DGKD: variants seen among roughly 807,000 people sequenced by gnomAD.
The protein encoded by DGKD is DAG kinase delta.
In DGKD, 68 loss-of-function variants were observed where a neutral mutation model predicts 154.4. That is an observed-to-expected ratio of 0.44 (90% CI 0.36 to 0.54). The LOEUF is 0.54. DGKD is among the 20% of genes least tolerant of loss of function. The pLI is 0.00. For missense variants in DGKD, 1,343 were observed against 1,593.6 expected (o/e 0.84, Z 2.68); for synonymous variants, 693 against 638.0 (o/e 1.09, Z -1.30).
intron 3 of DGKD, among the ~76,000 whole-genome samples, chr2:233,403,406 A>G (rs1378904124): frequency 2.0e-5 from 3 of 151,730 alleles, no homozygotes; most frequent in Non-Finnish European, 4.4e-5. Context: ...CTAAAAATAC[A>G]AAAATTAGCT....
At chr2:233,461,225 T>C (rs999287488) in intron 24 of DGKD, among the ~76,000 whole-genome samples, 1 of 152,182 alleles carries the variant, frequency 6.6e-6, no homozygotes, top group Non-Finnish European at 1.5e-5. Context: ...GCCTGCATTC[T>C]CCCCCCGTGG....
At position 233,458,400 on chromosome 2, in the gene DGKD, A is replaced by G. The variant is rs2063525012; in HGVS notation, c.2694+3A>G. ...TACAGCATCATCGGATCGCCCAGGT[A>G]GTGGCCATGGTCCTGGGGTGTCTGG... On this transcript the variant is annotated splice_donor_region_variant and intron_variant, in intron 22 of 29. Transcript: ENST00000264057. This position sits in a 1 kb window ranked among gnomAD's most constrained non-coding sequence, Gnocchi z 6.6. The G allele has an allele frequency of 6.2e-7, 1 of 1,604,450 alleles. No homozygotes were observed. Among genetic ancestry groups the G allele is most frequent in the South Asian group, 1.1e-5 (1 of 90,860 alleles).
chr2:233,372,642 C>G (rs995981837), intron 1 of DGKD, among the ~76,000 whole-genome samples: 7 of 151,242 alleles, frequency 4.6e-5, no homozygotes, highest in Middle Eastern at 6.8e-3. Context: ...GGAGATCTGG[C>G]CAATGTGTAT....
intron 16 of DGKD, 96 bp from the exon 17 acceptor site, chr2:233,450,826 C>T: frequency 6.7e-7 from 1 of 1,500,932 alleles, no homozygotes. Context: ...GCCCTCCCTC[C>T]TCAGCCCTCC....
chr2:233,409,196 T>G (rs1289641376), intron 3 of DGKD: 2 of 152,260 alleles, frequency 1.3e-5, no homozygotes, highest in East Asian at 3.8e-4. Flanking sequence ...TGATTGTATG[T>G]GTTTGAAAAA....
At chr2:233,367,374 G>A (rs1254329603) in intron 1 of DGKD, among the ~76,000 whole-genome samples, 2 of 151,836 alleles carry the variant, frequency 1.3e-5, no homozygotes, top group African/African-American at 2.4e-5. Context: ...GACTACAGGC[G>A]CCCGCCACCA....
rs1020178428 is a variant in DGKD at position 233,458,581 on chromosome 2, G to C, written c.2694+184G>C. 5.9e-5 allele frequency among the ~76,000 whole-genome samples: 9 copies of C among 151,926 alleles called. No individual in the cohort carries two copies. The highest frequency in any genetic ancestry group is 4.4e-5 in the Non-Finnish European group (3 of 67,974). On this transcript the variant is annotated intron_variant, in intron 22 of 29. Coordinates refer to ENST00000264057, the MANE Select transcript of DGKD (RefSeq NM_152879.3). The surrounding 1 kb of genome is among the most constrained non-coding windows in gnomAD (Gnocchi z 6.6). ...AGAGCCCTTTCCTTGTGCTATGCTT[G>C]ACAGTTAAATTCTCAAGATAACTCT...
intron 3 of DGKD, among the ~76,000 whole-genome samples, chr2:233,422,481 A>G (rs1416785109): frequency 1.3e-5 from 2 of 152,048 alleles, no homozygotes; most frequent in East Asian, 1.9e-4. Context: ...TGGCATTTCT[A>G]CCCACCCCTC....
chr2:233,443,970 C>G (rs1481650251), intron 10 of DGKD, among the ~76,000 whole-genome samples: 1 of 152,140 alleles, frequency 6.6e-6, no homozygotes, highest in Non-Finnish European at 1.5e-5. Flanking sequence ...ATGGTGGCCT[C>G]TCCCTCCTTA....
chr2:233,389,732 A>G (rs1703459730), intron 2 of DGKD, among the ~76,000 whole-genome samples: 1 of 152,184 alleles, frequency 6.6e-6, no homozygotes, highest in South Asian at 2.1e-4. Context: ...AGGGGATGGT[A>G]TAAGGGAAAC....
intron 3 of DGKD, among the ~76,000 whole-genome samples, chr2:233,402,659 T>C (rs955181636): frequency 4.6e-5 from 7 of 152,352 alleles, no homozygotes; most frequent in Admixed American, 3.3e-4. Context: ...GGCCGGCAGC[T>C]TGGGGACAAG....
At chr2:233,401,042 T>C (rs1391640852) in intron 3 of DGKD, among the ~76,000 whole-genome samples, 1 of 152,060 alleles carries the variant, frequency 6.6e-6, no homozygotes, top group African/African-American at 2.4e-5. Context: ...TTCTCTTCTT[T>C]TGATCTCTGA....
intron 5 of DGKD, among the ~76,000 whole-genome samples, chr2:233,435,172 A>G (rs770751244): frequency 1.2e-4 from 18 of 152,218 alleles, no homozygotes; most frequent in Non-Finnish European, 2.5e-4. Context: ...AGGGAAAGGC[A>G]CTGAAGGAAC....
chr2:233,432,159 A>G (rs182320160), intron 3 of DGKD, among the ~76,000 whole-genome samples: 2 of 145,112 alleles, frequency 1.4e-5, no homozygotes, highest in South Asian at 4.1e-4. Flanking sequence ...TGGGAGGCCA[A>G]GGTGGGCGGA....
intron 1 of DGKD, among the ~76,000 whole-genome samples, chr2:233,357,541 T>C (rs977376390): frequency 1.5e-4 from 22 of 148,442 alleles, no homozygotes; most frequent in East Asian, 3.9e-4. Flanking sequence ...TTCTTTCTTT[T>C]TTTTTTTTTT....
Position 233,445,905 on chromosome 2 carries a change from A to G in DGKD, c.1334+143A>G. 9.5e-7 allele frequency: 1 copy of G among 1,057,562 alleles called. No individual in the cohort carries two copies. The highest frequency in any genetic ancestry group is 2.9e-5 in the East Asian group (1 of 34,040). The allele number at this position is 1,057,562 out of a possible 1,614,324, so 65.5% of individuals were successfully genotyped here. ...AGATTTGACCTGAGTATATATTCGG[A>G]TAGTCTTTGATATTTGGTCAGATTA... On this transcript the variant is annotated intron_variant, in intron 11 of 29. Coordinates refer to ENST00000264057, the MANE Select transcript of DGKD (RefSeq NM_152879.3). The surrounding 1 kb of genome is among the most constrained non-coding windows in gnomAD (Gnocchi z 5.5).
chr2:233,427,869 T>C (rs960319459), intron 3 of DGKD, among the ~76,000 whole-genome samples: 23 of 152,180 alleles, frequency 1.5e-4, no homozygotes, highest in African/African-American at 5.5e-4. Flanking sequence ...GCTCTTAGTA[T>C]TCCTTAGAGC....
intron 3 of DGKD, among the ~76,000 whole-genome samples, chr2:233,412,816 A>G (rs985078890): frequency 6.6e-6 from 1 of 152,184 alleles, no homozygotes; most frequent in South Asian, 2.1e-4. Context: ...ATTTTGTCAA[A>G]TGCTTTTCTG....
At chr2:233,363,724 T>C (rs1385361104) in intron 1 of DGKD, among the ~76,000 whole-genome samples, 1 of 152,228 alleles carries the variant, frequency 6.6e-6, no homozygotes, top group Non-Finnish European at 1.5e-5. Flanking sequence ...TTATGACATA[T>C]TTTTACTGTA....
Sources: gnomAD v4.1 joint callset for allele counts (sites outside exome capture counted in the v4.1 genomes callset) on GRCh38, gnomAD v4.1.1 for gene constraint, Gnocchi (gnomAD v3.1) non-coding constraint, MANE v1.5 for transcripts, NCBI Gene and HGNC (gene_info 2026-07-23, HGNC 2026-07-21) for gene names.